Variants in TCERG1 observed in about 807,000 individuals in gnomAD.
The protein encoded by TCERG1 is TATA box binding protein (TBP)-associated factor, RNA polymerase II, S, 150kD.
TCERG1 carries 37 observed loss-of-function variants against 144.7 expected under a neutral mutation model. That is an observed-to-expected ratio of 0.26 (90% CI 0.20 to 0.34). The LOEUF is 0.34. TCERG1 is among the 10% of genes least tolerant of loss of function. The pLI is 1.00. For missense variants in TCERG1, 1,027 were observed against 1,380.7 expected (o/e 0.74, Z 4.06); for synonymous variants, 492 against 458.2 (o/e 1.07, Z -0.94).
At chr5:146,493,120 T>C in intron 16 of TCERG1, 82 bp downstream of exon 16, 1 of 1,066,358 alleles carries the variant, frequency 9.4e-7, no homozygotes, top group Non-Finnish European at 1.3e-6. Context: ...AAAATAGATA[T>C]TTTTTGACTA....
At chr5:146,506,529 A>G (rs1768014132) in intron 19 of TCERG1, among the ~76,000 whole-genome samples, 1 of 152,068 alleles carries the variant, frequency 6.6e-6, no homozygotes, top group Non-Finnish European at 1.5e-5. Flanking sequence ...CTTGGAATTT[A>G]CTCTCAGTTA....
chr5:146,458,284 C>T (rs1419588892), intron 3 of TCERG1, among the ~76,000 whole-genome samples: 1 of 151,032 alleles, frequency 6.6e-6, no homozygotes, highest in South Asian at 2.1e-4. Context: ...TCAAGTGATT[C>T]TCCTTCCTCA....
In TCERG1 at chr5:146,491,457, T is replaced by C. The variant is rs578101490; in HGVS notation, c.2164-1463T>C. On this transcript the variant is annotated intron_variant, in intron 15 of 22. Transcript: ENST00000679501. ...CCAGGGATGCTGGTATACATCTTGCTCAAAACATCACTGTGCCAAGGTTGA... is the reference window on the plus strand; with the variant it reads ...CCAGGGATGCTGGTATACATCTTGCCCAAAACATCACTGTGCCAAGGTTGA... Among the ~76,000 whole-genome samples, 6 of 152,196 alleles carry C rather than the reference T, an allele frequency of 3.9e-5. No homozygotes were observed. In the East Asian group the frequency reaches 9.6e-4, roughly 24 times the overall value.
At chr5:146,506,888 T>C (rs1156829334) in intron 19 of TCERG1, 140 bp from the exon 20 acceptor site, 1 of 598,104 alleles carries the variant, frequency 1.7e-6, no homozygotes, top group African/African-American at 1.9e-5. Context: ...TACATTTTCT[T>C]TATCCATGTA....
At chr5:146,454,169 C>A (rs1287749806) in intron 1 of TCERG1, among the ~76,000 whole-genome samples, 3 of 151,488 alleles carry the variant, frequency 2.0e-5, no homozygotes, top group Non-Finnish European at 4.4e-5. Context: ...CCACTGTACT[C>A]CAGCCTGGCA....
chr5:146,455,359 C>A lies in TCERG1; in HGVS notation c.285+78C>A, dbSNP rs1034616868. On this transcript the variant is annotated intron_variant, in intron 2 of 22. Transcript: ENST00000679501. ...ATATGGGTTTTGAGTTAAAAACTTACATTCTTAAATAGTTTCAGTTTATAG... is the reference window on the plus strand; with the variant it reads ...ATATGGGTTTTGAGTTAAAAACTTAAATTCTTAAATAGTTTCAGTTTATAG... The A allele has an allele frequency of 3.0e-5, 44 of 1,489,022 alleles. No homozygotes were observed. In the Admixed American group the frequency reaches 4.4e-4, roughly 15 times the overall value. 92.2% of individuals were successfully genotyped at this position (1,489,022 alleles called of 1,614,324 possible).
In TCERG1 at chr5:146,469,671, T is replaced by C. The variant is rs1764109925; in HGVS notation, c.1326T>C (p.Asp442=). ...VSEWTEYKTA[D]GKTYYYNNRT... is the part of the protein sequence containing the mutation. ...AATGGACTGAATATAAAACAGCAGA[T>C]GGGAAGACATATTATTATAATAATA... is the stretch of plus-strand genomic sequence containing the variant. Residue 442 remains aspartate (D), a synonymous_variant, in exon 7 of 23, where the codon GAT becomes GAC. Coordinates refer to ENST00000679501, the MANE Select transcript of TCERG1 (RefSeq NM_001382548.1). 2 of 1,612,918 alleles carry C rather than the reference T, an allele frequency of 1.2e-6. No homozygotes were observed. Among genetic ancestry groups the C allele is most frequent in the Admixed American group, 3.3e-5 (2 of 59,916 alleles).
chr5:146,450,325 A>C (rs1762243899), intron 1 of TCERG1, among the ~76,000 whole-genome samples: 1 of 152,216 alleles, frequency 6.6e-6, no homozygotes, highest in Admixed American at 6.5e-5. Context: ...AAATCTGGGG[A>C]AGAACATGCT....
chr5:146,450,059 A>G (rs925064827), intron 1 of TCERG1, among the ~76,000 whole-genome samples: 2 of 152,234 alleles, frequency 1.3e-5, no homozygotes, highest in African/African-American at 4.8e-5. Context: ...ATGCTGGTAT[A>G]TAGGAACTTT....
At chr5:146,470,127 TAGA>T (rs1764154762) in intron 7 of TCERG1, among the ~76,000 whole-genome samples, 2 of 152,350 alleles carry the variant, frequency 1.3e-5, no homozygotes, top group Admixed American at 1.3e-4. Flanking sequence ...GTCTTAGATG[TAGA>T]AGATTCATAA....
At chr5:146,488,673 C>G (rs1385191588) in intron 15 of TCERG1, among the ~76,000 whole-genome samples, 1 of 152,024 alleles carries the variant, frequency 6.6e-6, no homozygotes, top group African/African-American at 2.4e-5. Context: ...GGAGGTTCCT[C>G]GAAAAACTAA....
intron 15 of TCERG1, 61 bp downstream of exon 15, chr5:146,483,690 A>G: frequency 7.6e-7 from 1 of 1,309,482 alleles, no homozygotes; most frequent in East Asian, 2.3e-5. Context: ...TTTTTAAATT[A>G]TAAGGAATAA....
Position 146,492,543 on chromosome 5 carries a change from G to A in TCERG1, c.2164-377G>A, listed in dbSNP as rs181863606. Among the ~76,000 whole-genome samples, 343 of 152,130 alleles carry A rather than the reference G, an allele frequency of 2.3e-3. 1 individual carries two copies. The highest frequency in any genetic ancestry group is 3.1e-3 in the Non-Finnish European group (214 of 67,970). On this transcript the variant is annotated intron_variant, in intron 15 of 22. Transcript: ENST00000679501. Reference sequence around the variant, plus strand: ...AATACTTATGTCTTAAGAGAAGCACGGAAATAAAATATACTACAGATTCCA... The same window carrying A: ...AATACTTATGTCTTAAGAGAAGCACAGAAATAAAATATACTACAGATTCCA...
intron 16 of TCERG1, 42 bp from the exon 17 acceptor site, chr5:146,498,494 G>A: frequency 1.3e-6 from 2 of 1,571,040 alleles, no homozygotes; most frequent in Non-Finnish European, 1.7e-6. Context: ...TATACAAGCA[G>A]AAGTAACTGC....
At chr5:146,455,315 G>C (rs749425959) in intron 2 of TCERG1, 34 bp downstream of exon 2, 1 of 1,608,944 alleles carries the variant, frequency 6.2e-7, no homozygotes, top group South Asian at 1.1e-5. Context: ...TTCTTTGTTG[G>C]CATCATTATC....
chr5:146,469,591 C>T lies in TCERG1; in HGVS notation c.1246C>T (p.Gln416Ter), dbSNP rs1401163899. The part of the protein sequence containing the change: ...APPIVPMIHP[Q>*]VAIAASPATL... ...TCCTATCGTACCCATGATACATCCCCAGGTTGCTATTGCAGCTTCACCTGC... is the reference window on the plus strand; with the variant it reads ...TCCTATCGTACCCATGATACATCCCTAGGTTGCTATTGCAGCTTCACCTGC... The change falls in exon 7 of 23, where the codon CAG becomes TAG. Residue 416 changes from glutamine (Q) to a stop codon, truncating the protein, a stop_gained. Coordinates refer to ENST00000679501, the MANE Select transcript of TCERG1 (RefSeq NM_001382548.1). LOFTEE classifies it high-confidence loss of function. The T allele has an allele frequency of 6.2e-7, 1 of 1,613,026 alleles. No homozygotes were observed. The highest frequency in any genetic ancestry group is 8.5e-7 in the Non-Finnish European group (1 of 1,179,424).
At chr5:146,471,654 A>C (rs1764317069) in intron 9 of TCERG1, 78 bp downstream of exon 9, 1 of 1,266,896 alleles carries the variant, frequency 7.9e-7, no homozygotes. Flanking sequence ...GCTGGAGTGC[A>C]GTGGCACGAT....
At position 146,480,059 on chromosome 5, in the gene TCERG1, T is replaced by G; in HGVS notation, c.1851T>G (p.Ile617Met). The change falls in exon 12 of 23, where the codon ATT becomes ATG. Residue 617 changes from isoleucine to methionine, a missense_variant. Ile to Met is a conservative substitution (Grantham distance 10, BLOSUM62 1). Transcript: ENST00000679501. ...AGGAACAAGAATTAATGGAAGAAAT[T>G]AATGAAGATGAGCCTGTTAAAGCAA... Reference protein sequence around the residue: ...IKEEQELMEEINEDEPVKAKK... With the variant: ...IKEEQELMEEMNEDEPVKAKK... 6.2e-7 allele frequency: 1 copy of G among 1,602,174 alleles called. No homozygotes were observed. Among genetic ancestry groups the G allele is most frequent in the Non-Finnish European group, 8.5e-7 (1 of 1,175,130 alleles).
intron 2 of TCERG1, among the ~76,000 whole-genome samples, chr5:146,456,481 T>C (rs1762847955): frequency 6.6e-6 from 1 of 152,212 alleles, no homozygotes; most frequent in Non-Finnish European, 1.5e-5. Context: ...TAAGTCCAAG[T>C]GATTTTCAGC....
Sources: allele counts gnomAD v4.1 joint callset (sites outside exome capture counted in the v4.1 genomes callset), GRCh38; gene constraint gnomAD v4.1.1; transcripts MANE v1.5; gene names NCBI Gene and HGNC (gene_info 2026-07-23, HGNC 2026-07-21).